The following ADGRB3 variants were observed in gnomAD, a reference collection of about 807,000 sequenced individuals.
ADGRB3 encodes brain-specific angiogenesis inhibitor 3.
A neutral mutation model predicts 193.4 loss-of-function variants in ADGRB3; 37 were observed. The observed-to-expected ratio is 0.19, with a 90% confidence interval of 0.15 to 0.25. ADGRB3 has a LOEUF of 0.25. Among genes scored for constraint, ADGRB3 ranks in the 10% least tolerant of loss-of-function variants. The pLI, the probability that ADGRB3 is intolerant of heterozygous loss-of-function variation, is 1.00. For synonymous variants in ADGRB3, 690 were observed against 644.2 expected (o/e 1.07, Z -1.08); for missense variants, 1,637 against 1,852.9 (o/e 0.88, Z 2.14).
intron 3 of ADGRB3, among the ~76,000 whole-genome samples, chr6:68,760,037 T>TTGGAAAATTAATTGGAA (rs2069842832): frequency 1.3e-5 from 2 of 152,182 alleles, no homozygotes; most frequent in Admixed American, 6.5e-5. Context: ...AAATTACATT[T>TTGGAAAATTAATTGGAA]AATTACATAA....
intron 17 of ADGRB3, among the ~76,000 whole-genome samples, chr6:69,107,552 G>A (rs923807089): frequency 2.0e-5 from 3 of 152,108 alleles, no homozygotes; most frequent in African/African-American, 7.2e-5. Flanking sequence ...AAAATACACT[G>A]CAAGTTAGAC....
At chr6:68,792,947 G>A (rs1208068778) in intron 3 of ADGRB3, among the ~76,000 whole-genome samples, 1 of 151,988 alleles carries the variant, frequency 6.6e-6, no homozygotes, top group Admixed American at 6.6e-5. Flanking sequence ...GCATATTTCT[G>A]GCCATTTTTG....
chr6:69,112,821 A>G (rs1335350465), intron 17 of ADGRB3, among the ~76,000 whole-genome samples: 1 of 151,994 alleles, frequency 6.6e-6, no homozygotes, highest in Non-Finnish European at 1.5e-5. Context: ...GCAGTGGCAC[A>G]ATCTTGGCTC....
intron 17 of ADGRB3, among the ~76,000 whole-genome samples, chr6:69,129,129 A>C (rs1773934061): frequency 6.6e-6 from 1 of 152,158 alleles, no homozygotes; most frequent in Non-Finnish European, 1.5e-5. Flanking sequence ...CAGCTTAATG[A>C]GGTGGGCATT....
At chr6:68,940,110 C>G (rs548036798) in intron 5 of ADGRB3, among the ~76,000 whole-genome samples, 14 of 152,130 alleles carry the variant, frequency 9.2e-5, no homozygotes, top group Non-Finnish European at 1.8e-4. Flanking sequence ...TGACATTTAG[C>G]AGAATTTTTG....
chr6:68,934,153 CA>C (rs1318916921), intron 4 of ADGRB3, among the ~76,000 whole-genome samples: 1 of 152,060 alleles, frequency 6.6e-6, no homozygotes, highest in African/African-American at 2.4e-5. Context: ...TGAGTTATAA[CA>C]AGAACATTTT....
chr6:69,141,755 G>A (rs1774348359), intron 17 of ADGRB3, among the ~76,000 whole-genome samples: 1 of 152,154 alleles, frequency 6.6e-6, no homozygotes, highest in African/African-American at 2.4e-5. Flanking sequence ...TGTCATGGGG[G>A]AAGATAGGCT....
chr6:68,864,913 C>T (rs57799400), intron 3 of ADGRB3, among the ~76,000 whole-genome samples: 1 of 152,034 alleles, frequency 6.6e-6, no homozygotes, highest in Non-Finnish European at 1.5e-5. Context: ...TACAGCAGGG[C>T]CATTTTTCTC....
intron 8 of ADGRB3, among the ~76,000 whole-genome samples, chr6:68,967,606 C>G (rs1768420808): frequency 6.6e-6 from 1 of 151,650 alleles, no homozygotes; most frequent in Non-Finnish European, 1.5e-5. Context: ...CCACCCCCCA[C>G]CTCCACCCCC....
At position 68,661,880 on chromosome 6, in the gene ADGRB3, A is replaced by G. The variant is rs143294958; in HGVS notation, c.757+22448A>G. Among the ~76,000 whole-genome samples the G allele has an allele frequency of 1.7e-4, 25 of 151,458 alleles. No homozygotes were observed. The East Asian group carries it at 4.9e-3, about 30-fold the overall frequency. On this transcript the variant is annotated intron_variant, in intron 3 of 31. Transcript: ENST00000370598. The stretch of plus-strand genomic sequence containing the variant: ...GGACCATGATGAGGCTTCTGCAGTA[A>G]TCCAAAAATAAATTGATTACAACAG...
chr6:69,085,503 TG>T (rs1265131023), intron 17 of ADGRB3, among the ~76,000 whole-genome samples: 1 of 152,088 alleles, frequency 6.6e-6, no homozygotes, highest in African/African-American at 2.4e-5. Context: ...GACTTTATAT[TG>T]CTGAGAATTT....
At chr6:68,982,283 G>A (rs1387258906) in intron 10 of ADGRB3, among the ~76,000 whole-genome samples, 1 of 152,036 alleles carries the variant, frequency 6.6e-6, no homozygotes, top group Non-Finnish European at 1.5e-5. Context: ...TAAACATATG[G>A]GTTTCAAATC....
At chr6:68,985,839 C>G (rs1015743743) in intron 10 of ADGRB3, among the ~76,000 whole-genome samples, 1 of 152,096 alleles carries the variant, frequency 6.6e-6, no homozygotes, top group Non-Finnish European at 1.5e-5. Context: ...ATTGAGAAAT[C>G]TACAGAGAAA....
rs61589438 is a variant in ADGRB3, at chr6:69,251,589, G to A, written c.2814+12363G>A. ...AGGGAGGAGATATTATAAGAATCAA[G>A]TAGGATTGCACCTAGGACAGTATCT... is the stretch of plus-strand genomic sequence containing the variant. On this transcript the variant is annotated intron_variant, in intron 20 of 31. Coordinates refer to ENST00000370598, the MANE Select transcript of ADGRB3 (RefSeq NM_001704.3). Among the ~76,000 whole-genome samples, 449 of 152,230 alleles carry A rather than the reference G, an allele frequency of 2.9e-3. 1 individual carries two copies. Among genetic ancestry groups the A allele is most frequent in the African/African-American group, 0.01 (423 of 41,554 alleles).
chr6:69,290,471 G>A (rs535724285), intron 20 of ADGRB3, among the ~76,000 whole-genome samples: 15 of 151,268 alleles, frequency 9.9e-5, no homozygotes, highest in African/African-American at 3.2e-4. Flanking sequence ...GAGAGAGAGA[G>A]AAATAGAGAG....
intron 8 of ADGRB3, among the ~76,000 whole-genome samples, chr6:68,972,776 C>A (rs542674925): frequency 1.6e-4 from 24 of 152,208 alleles, no homozygotes; most frequent in African/African-American, 4.3e-4. Context: ...ATGAATGATT[C>A]TGAGAAGGAC....
At chr6:69,041,438 A>G (rs775432995) in intron 13 of ADGRB3, among the ~76,000 whole-genome samples, 1 of 152,160 alleles carries the variant, frequency 6.6e-6, no homozygotes, top group Non-Finnish European at 1.5e-5. Flanking sequence ...TCTCAGATGA[A>G]ATCATTATGT....
chr6:69,263,976 A>T (rs1197662308), intron 20 of ADGRB3, among the ~76,000 whole-genome samples: 1 of 151,966 alleles, frequency 6.6e-6, no homozygotes, highest in East Asian at 1.9e-4. Context: ...TCTACTCAGT[A>T]CATATCCTTA....
chr6:68,786,560 T>C (rs977985029), intron 3 of ADGRB3, among the ~76,000 whole-genome samples: 22 of 152,206 alleles, frequency 1.4e-4, no homozygotes, highest in Non-Finnish European at 2.5e-4. Context: ...ACTGTAGCCT[T>C]GTAGTATAGT....
Sources: gnomAD v4.1 joint callset for allele counts (sites outside exome capture counted in the v4.1 genomes callset) on GRCh38, gnomAD v4.1.1 for gene constraint, MANE v1.5 for transcripts, NCBI Gene and HGNC (gene_info 2026-07-23, HGNC 2026-07-21) for gene names.